The following ITGAM variants were observed in gnomAD, a reference collection of about 807,000 sequenced individuals.
ITGAM encodes integrin subunit alpha M.
Under a neutral mutation model 137.5 loss-of-function variants are expected in ITGAM, and 79 were observed. The ratio of observed to expected loss-of-function variants is 0.57; its 90% CI spans 0.48 to 0.69. The LOEUF (loss-of-function observed/expected upper bound fraction) is 0.69. ITGAM is among the 30% of genes least tolerant of loss of function. The pLI is 0.00. For synonymous variants in ITGAM, 583 were observed against 592.3 expected, an observed-to-expected ratio of 0.98 and a Z score of 0.23; for missense variants, 1,343 against 1,483.5, an observed-to-expected ratio of 0.91 and a Z score of 1.56.
At chr16:31,265,771 C>T (rs2079758919) in intron 3 of ITGAM, 40 bp from the exon 4 acceptor site, 3 of 1,572,030 alleles carry the variant, frequency 1.9e-6, no homozygotes, top group Non-Finnish European at 2.6e-6. Flanking sequence ...CCTTCTCTGT[C>T]CCCCCACCAG....
Position 31,331,295 on chromosome 16 carries a change from C to A in ITGAM, c.3387+20C>A, listed in dbSNP as rs61761288. The A allele has an allele frequency of 7.4e-7, 1 of 1,344,630 alleles. No individual in the cohort carries two copies. The highest frequency in any genetic ancestry group is 1.1e-6 in the Non-Finnish European group (1 of 937,406). 83.3% of individuals were successfully genotyped at this position (1,344,630 alleles called of 1,614,324 possible). On this transcript the variant is annotated intron_variant, in intron 29 of 29. Coordinates refer to ENST00000544665, the MANE Select transcript of ITGAM (RefSeq NM_000632.4). ...TACAAGGTGCTCCCCGCTGCTCCCCCACCCCCTCCCTTCATCCTCTCGGGC... is the reference window on the plus strand; with the variant it reads ...TACAAGGTGCTCCCCGCTGCTCCCCAACCCCCTCCCTTCATCCTCTCGGGC...
At chr16:31,277,537 T>C (rs2079921822) in intron 11 of ITGAM, among the ~76,000 whole-genome samples, 1 of 152,134 alleles carries the variant, frequency 6.6e-6, no homozygotes, top group African/African-American at 2.4e-5. Context: ...TTTGTATTTT[T>C]AGTAGAGATG....
chr16:31,261,161 A>T (rs1177516395), intron 1 of ITGAM, among the ~76,000 whole-genome samples: 1 of 145,934 alleles, frequency 6.9e-6, no homozygotes, highest in Non-Finnish European at 1.5e-5. Flanking sequence ...GACCGAATGG[A>T]TGGGAAAGGG....
intron 14 of ITGAM, among the ~76,000 whole-genome samples, chr16:31,307,859 G>A (rs1265885271): frequency 6.6e-6 from 1 of 152,096 alleles, no homozygotes; most frequent in Non-Finnish European, 1.5e-5. Context: ...TAGCATGAAG[G>A]GTTGTTGAAT....
chr16:31,287,688 G>A (rs368020596), intron 12 of ITGAM, among the ~76,000 whole-genome samples: 2 of 152,176 alleles, frequency 1.3e-5, no homozygotes, highest in African/African-American at 4.8e-5. Context: ...TTAATGCATT[G>A]TATGGGGATG....
intron 23 of ITGAM, chr16:31,328,881 C>T: frequency 2.5e-6 from 1 of 404,226 alleles, no homozygotes. Flanking sequence ...TGTATGTGTG[C>T]ATGAGTGTGT....
In ITGAM at chr16:31,297,874, C is replaced by G; in HGVS notation, c.1627C>G (p.Pro543Ala). 1 of 1,613,858 alleles carries G rather than the reference C, an allele frequency of 6.2e-7. No homozygotes were observed. The highest frequency in any genetic ancestry group is 2.2e-5 in the East Asian group (1 of 44,862). The change falls in exon 14 of 30, where the codon CCA becomes GCA. Residue 543 changes from proline (P) to alanine (A), a missense_variant. By Grantham distance (27) the Pro-to-Ala change is conservative. Transcript: ENST00000544665. ...GCTGACGGACGTGGCCATTGGGGCCCCAGGAGAGGAGGACAACCGGGGTGC... is the reference window on the plus strand; with the variant it reads ...GCTGACGGACGTGGCCATTGGGGCCGCAGGAGAGGAGGACAACCGGGGTGC... ...DKLTDVAIGA[P>A]GEEDNRGAVY...
chr16:31,314,709 T>C (rs1191396324), intron 14 of ITGAM, among the ~76,000 whole-genome samples: 1 of 152,164 alleles, frequency 6.6e-6, no homozygotes, highest in Non-Finnish European at 1.5e-5. Context: ...CTTGGCTATA[T>C]GGGCTCTTTT....
chr16:31,267,029 G>A (rs1199046073), intron 5 of ITGAM, among the ~76,000 whole-genome samples: 2 of 151,860 alleles, frequency 1.3e-5, no homozygotes, highest in African/African-American at 2.4e-5. Context: ...CACCACACCC[G>A]GCTAATTTTT....
Position 31,316,084 on chromosome 16 carries a change from C to T in ITGAM, c.1708-5157C>T, listed in dbSNP as rs1344048432. On this transcript the variant is annotated intron_variant, in intron 14 of 29. Transcript: ENST00000544665. The stretch of plus-strand genomic sequence containing the variant: ...TGGCGGGCGCCTGTAGTCCCAGCTA[C>T]TCGGGAGGCTGAGGCAGGAGAATGG... Among the ~76,000 whole-genome samples, 68 of 21,452 alleles carry T rather than the reference C, an allele frequency of 3.2e-3. 5 individuals carry two copies. Among genetic ancestry groups the T allele is most frequent in the African/African-American group, 0.025 (57 of 2,266 alleles). The allele number at this position is 21,452 out of a possible 152,430, so 14.1% of individuals were successfully genotyped here.
chr16:31,320,055 G>A (rs935071263), intron 14 of ITGAM, among the ~76,000 whole-genome samples: 3 of 152,022 alleles, frequency 2.0e-5, no homozygotes, highest in South Asian at 2.1e-4. Context: ...CTCGTGATCC[G>A]CCCACCTCAG....
chr16:31,263,561 G>A (rs2144249841), intron 2 of ITGAM, among the ~76,000 whole-genome samples: 1 of 151,662 alleles, frequency 6.6e-6, no homozygotes, highest in African/African-American at 2.4e-5. Context: ...GATCGAGTAG[G>A]TGAGAAGTGG....
chr16:31,325,926 C>T (rs529590938), intron 21 of ITGAM, among the ~76,000 whole-genome samples: 14 of 151,946 alleles, frequency 9.2e-5, no homozygotes, highest in East Asian at 1.9e-4. Context: ...ATTAGCTGGG[C>T]GTGGTGGTGC....
At chr16:31,291,153 G>C (rs1420342110) in intron 12 of ITGAM, among the ~76,000 whole-genome samples, 1 of 152,128 alleles carries the variant, frequency 6.6e-6, no homozygotes, top group Non-Finnish European at 1.5e-5. Context: ...TTCTCCCTGG[G>C]TTGATCTACA....
At chr16:31,314,236 A>G (rs1191959956) in intron 14 of ITGAM, among the ~76,000 whole-genome samples, 1 of 152,090 alleles carries the variant, frequency 6.6e-6, no homozygotes, top group South Asian at 2.1e-4. Flanking sequence ...TAGTTTAATT[A>G]GATCTCATTT....
At chr16:31,262,666 A>T (rs1025568643) in intron 2 of ITGAM, among the ~76,000 whole-genome samples, 1 of 152,006 alleles carries the variant, frequency 6.6e-6, no homozygotes, top group Non-Finnish European at 1.5e-5. Context: ...GGGCCTCCCA[A>T]CTTGCTGGGA....
At chr16:31,321,892 T>G (rs2080455079) in intron 16 of ITGAM, among the ~76,000 whole-genome samples, 11 of 152,186 alleles carry the variant, frequency 7.2e-5, no homozygotes, top group Admixed American at 6.5e-4. Flanking sequence ...GTGAACAAAC[T>G]ATGTTTTTGT....
Position 31,324,609 on chromosome 16 carries a change from G to T in ITGAM, c.2158-42G>T, listed in dbSNP as rs2080486389. On this transcript the variant is annotated intron_variant, in intron 17 of 29. Coordinates refer to ENST00000544665, the MANE Select transcript of ITGAM (RefSeq NM_000632.4). This position sits in a 1 kb window ranked among gnomAD's most constrained non-coding sequence, Gnocchi z 4.5. ...CTTCCAAGCATGGAGTGGGCTTGGG[G>T]AGCTGAGGAGGGCAGATCCCCAAAT... The T allele has an allele frequency of 6.2e-7, 1 of 1,609,890 alleles. No homozygotes were observed.
intron 14 of ITGAM, among the ~76,000 whole-genome samples, chr16:31,299,302 G>A (rs2080170826): frequency 6.6e-6 from 1 of 151,986 alleles, no homozygotes; most frequent in East Asian, 1.9e-4. Flanking sequence ...AATGAGTTTG[G>A]CTGTTTTATT....
Sources: gnomAD v4.1 joint callset for allele counts (sites outside exome capture counted in the v4.1 genomes callset) on GRCh38, gnomAD v4.1.1 for gene constraint, Gnocchi (gnomAD v3.1) non-coding constraint, MANE v1.5 for transcripts, NCBI Gene and HGNC (gene_info 2026-07-23, HGNC 2026-07-21) for gene names.